Variants in DSN1 observed in about 807,000 individuals in gnomAD.
DSN1 encodes DSN1 component of MIS12 kinetochore complex.
Under a neutral mutation model 45.7 loss-of-function variants are expected in DSN1, and 31 were observed. That is an observed-to-expected ratio of 0.68 (90% CI 0.51 to 0.92). DSN1 has a LOEUF of 0.92. DSN1 is among the 40% of genes least tolerant of loss of function. The pLI, the probability that DSN1 is intolerant of heterozygous loss-of-function variation, is 0.00. For missense variants in DSN1, 394 were observed against 414.2 expected (o/e 0.95, Z 0.42); for synonymous variants, 134 against 142.3 (o/e 0.94, Z 0.41).
rs961120907 is a variant in DSN1, at chr20:36,755,772, C to T, written c.783G>A (p.Gly261=). ...EVKVEPMTYL[G]SSQNEVLNTK... ...TATTAAGAACTTCATTCTGAGAAGACCCAAGATATGTCATAGGTTCCACTT... is the reference window on the plus strand; with the variant it reads ...TATTAAGAACTTCATTCTGAGAAGATCCAAGATATGTCATAGGTTCCACTT... Residue 261 remains glycine (G), a synonymous_variant, in exon 9 of 11, where the codon GGG becomes GGA. Transcript: ENST00000373750. 1 of 1,613,988 alleles carries T rather than the reference C, an allele frequency of 6.2e-7. No individual in the cohort carries two copies. The highest frequency in any genetic ancestry group is 1.1e-5 in the South Asian group (1 of 91,072).
chr20:36,767,877 G>A (rs1987432817), intron 4 of DSN1, 92 bp downstream of exon 4: 1 of 1,302,434 alleles, frequency 7.7e-7, no homozygotes, highest in Admixed American at 1.7e-5. Context: ...ACTCCAGCCT[G>A]GGTGACAGAG....
chr20:36,770,384 G>A (rs1002579271), intron 3 of DSN1, among the ~76,000 whole-genome samples: 2 of 152,148 alleles, frequency 1.3e-5, no homozygotes, highest in Non-Finnish European at 2.9e-5. Flanking sequence ...ATTTGTATGT[G>A]CATCTTCCCT....
At chr20:36,771,692 C>T (rs1987661532) in intron 1 of DSN1, among the ~76,000 whole-genome samples, 1 of 152,216 alleles carries the variant, frequency 6.6e-6, no homozygotes, top group African/African-American at 2.4e-5. Context: ...TGAACACATA[C>T]CCTACCTTAC....
chr20:36,754,001 C>T (rs139389839), intron 10 of DSN1, among the ~76,000 whole-genome samples: 2,108 of 149,614 alleles, frequency 0.014, 51 homozygotes, highest in African/African-American at 0.047. Flanking sequence ...AGTGAAACTC[C>T]GTCTCAAAAA....
chr20:36,765,002 G>A (rs1312950091), intron 5 of DSN1, among the ~76,000 whole-genome samples: 1 of 151,388 alleles, frequency 6.6e-6, no homozygotes, highest in Non-Finnish European at 1.5e-5. Context: ...AAAGAAAAAG[G>A]AACACAGATT....
Position 36,770,996 on chromosome 20 carries a change from G to A in DSN1, c.232C>T (p.Leu78Phe). The change falls in exon 3 of 11, where the codon CTT (leucine) becomes TTT (phenylalanine). Residue 78 changes from leucine (L) to phenylalanine (F), a missense_variant. Transcript: ENST00000373750. ...GATTGTTCTTGAGGAGACAAATGAA[G>A]GGACTTCGACTGAAGTCTTTCCTGG... Reference protein sequence around the residue: ...SHQERLQSKSLHLSPQEQSAS... With the variant: ...SHQERLQSKSFHLSPQEQSAS... The A allele has an allele frequency of 1.9e-6, 3 of 1,614,168 alleles. No individual in the cohort carries two copies. In the South Asian group the frequency reaches 3.3e-5, roughly 18 times the overall value.
At chr20:36,758,894 T>G (rs1420147076) in intron 6 of DSN1, among the ~76,000 whole-genome samples, 1 of 151,532 alleles carries the variant, frequency 6.6e-6, no homozygotes, top group Non-Finnish European at 1.5e-5. Context: ...TCCATGTTGG[T>G]CAGGCTGGTC....
chr20:36,755,877 TG>T (rs761597086), intron 8 of DSN1, 48 bp from the exon 9 acceptor site: 1 of 1,582,646 alleles, frequency 6.3e-7, no homozygotes, highest in African/African-American at 1.4e-5. Context: ...AATTATTTTC[TG>T]GAAGAGATAC....
rs536468339 is a variant in DSN1 at position 36,758,677 on chromosome 20, C to T, written c.591-60G>A. ...CAAGAAATATTTGCTTTAATATAAT[C>T]GCTTATAAATTAGTTATTTATTTAT... On this transcript the variant is annotated intron_variant, in intron 6 of 10. Transcript: ENST00000373750. The T allele has an allele frequency of 1.6e-4, 232 of 1,466,454 alleles. 3 individuals carry two copies. In the South Asian group the frequency reaches 2.1e-3, roughly 13 times the overall value. 90.8% of individuals were successfully genotyped at this position (1,466,454 alleles called of 1,614,324 possible).
At chr20:36,772,886 T>C (rs1431577896) in intron 1 of DSN1, among the ~76,000 whole-genome samples, 1 of 152,260 alleles carries the variant, frequency 6.6e-6, no homozygotes, top group Admixed American at 6.5e-5. Flanking sequence ...AGCCAGGCTG[T>C]ATTTGTATTC....
At chr20:36,771,702 C>T (rs1987662015) in intron 1 of DSN1, among the ~76,000 whole-genome samples, 1 of 152,240 alleles carries the variant, frequency 6.6e-6, no homozygotes, top group Admixed American at 6.5e-5. Context: ...CCCTACCTTA[C>T]TTCCCAGTTA....
Position 36,752,839 on chromosome 20 carries a change from C to T in DSN1, c.1020G>A (p.Gln340=), listed in dbSNP as rs1230466502. 2 of 1,614,224 alleles carry T rather than the reference C, an allele frequency of 1.2e-6. No homozygotes were observed. The highest frequency in any genetic ancestry group is 1.7e-6 in the Non-Finnish European group (2 of 1,180,046). ...PSPARKLLKL[Q]LQNPPAIHGS... ...CATGTATGGCAGGTGGGTTCTGTAG[C>T]TGAAGCTTCAACAGTTTTCGAGCTG... The change falls in exon 11 of 11, where the codon CAG becomes CAA. Residue 340 remains glutamine (Q), a synonymous_variant. Transcript: ENST00000373750.
intron 1 of DSN1, among the ~76,000 whole-genome samples, chr20:36,772,921 C>T (rs1987727597): frequency 6.6e-6 from 1 of 152,264 alleles, no homozygotes; most frequent in African/African-American, 2.4e-5. Flanking sequence ...GAACAACTGC[C>T]TGGAAGGCAG....
Position 36,771,124 on chromosome 20 carries a change from A to C in DSN1, c.104T>G (p.Phe35Cys). 1 of 1,614,192 alleles carries C rather than the reference A, an allele frequency of 6.2e-7. No homozygotes were observed. The highest frequency in any genetic ancestry group is 2.2e-5 in the East Asian group (1 of 44,890). Residue 35 changes from phenylalanine (F) to cysteine (C), a missense_variant, in exon 3 of 11, where the codon TTT (phenylalanine) becomes TGT (cysteine). Coordinates refer to ENST00000373750, the MANE Select transcript of DSN1 (RefSeq NM_001145315.2). ...LESSLSPVEV[F>C]AKTSASLEMN... ...CTCCAGGGAGGCAGATGTTTTAGCA[A>C]ACACTTCCACAGGACTGAGACTTGA... is the stretch of plus-strand genomic sequence containing the variant.
In DSN1 at chr20:36,771,004, G is replaced by A. The variant is rs563758920; in HGVS notation, c.224C>T (p.Ser75Leu). 23 of 1,614,134 alleles carry A rather than the reference G, an allele frequency of 1.4e-5. No individual in the cohort carries two copies. Among genetic ancestry groups the A allele is most frequent in the Admixed American group, 5.0e-5 (3 of 60,012 alleles). ...CDLSHQERLQSKSLHLSPQEQ... is the reference protein window; with the variant it reads ...CDLSHQERLQLKSLHLSPQEQ... ...TTGAGGAGACAAATGAAGGGACTTC[G>A]ACTGAAGTCTTTCCTGGTGGCTGAG... Residue 75 changes from serine to leucine, a missense_variant, in exon 3 of 11, where the codon TCG becomes TTG. By Grantham distance (145) the Ser-to-Leu change is moderately radical. Transcript: ENST00000373750.
At chr20:36,761,894 AGC>A (rs1422937547) in intron 6 of DSN1, among the ~76,000 whole-genome samples, 2 of 151,832 alleles carry the variant, frequency 1.3e-5, no homozygotes, top group African/African-American at 4.8e-5. Context: ...CTGTAGTCCC[AGC>A]TACCTGGGAG....
intron 3 of DSN1, 65 bp downstream of exon 3, chr20:36,770,808 T>A: frequency 1.3e-6 from 2 of 1,520,284 alleles, no homozygotes; most frequent in Admixed American, 4.1e-5. Context: ...CTGCCTCTTA[T>A]CTGAGCTGGA....
At chr20:36,758,913 C>T (rs893575216) in intron 6 of DSN1, among the ~76,000 whole-genome samples, 1 of 152,120 alleles carries the variant, frequency 6.6e-6, no homozygotes, top group Admixed American at 6.5e-5. Context: ...TCTCAAACTC[C>T]CGACCTCAGG....
intron 3 of DSN1, among the ~76,000 whole-genome samples, chr20:36,769,862 G>A (rs1987538771): frequency 2.1e-5 from 3 of 145,504 alleles, no homozygotes; most frequent in South Asian, 4.4e-4. Flanking sequence ...CACAAATCAC[G>A]TTCTGTATAG....
Sources: gnomAD v4.1 joint callset for allele counts (sites outside exome capture counted in the v4.1 genomes callset) on GRCh38, gnomAD v4.1.1 for gene constraint, MANE v1.5 for transcripts, NCBI Gene and HGNC (gene_info 2026-07-23, HGNC 2026-07-21) for gene names.